PLD1: variants seen among roughly 807,000 people sequenced by gnomAD.
PLD1 encodes the protein phospholipase D1, also known as choline phosphatase 1.
PLD1 carries 112 observed loss-of-function variants against 137.1 expected under a neutral mutation model. The ratio of observed to expected loss-of-function variants is 0.82; its 90% CI spans 0.70 to 0.96. The LOEUF (loss-of-function observed/expected upper bound fraction) is 0.96. PLD1 is among the 40% of genes least tolerant of loss of function. The pLI, the probability that PLD1 is intolerant of heterozygous loss-of-function variation, is 0.00. For synonymous variants in PLD1, 431 were observed against 454.7 expected (o/e 0.95, Z 0.66); for missense variants, 1,321 against 1,342.0 (o/e 0.98, Z 0.24).
At chr3:171,694,071 A>G (rs557830323) in intron 12 of PLD1, among the ~76,000 whole-genome samples, 231 of 152,248 alleles carry the variant, frequency 1.5e-3, no homozygotes, top group African/African-American at 5.1e-3. Context: ...TTGGACCCTA[A>G]ATTCCTTATA....
At chr3:171,708,095 T>C (rs975051034) in intron 11 of PLD1, among the ~76,000 whole-genome samples, 5 of 152,182 alleles carry the variant, frequency 3.3e-5, no homozygotes, top group African/African-American at 4.8e-5. Flanking sequence ...AGTGTTGGCA[T>C]GTGTAATGGG....
intron 24 of PLD1, among the ~76,000 whole-genome samples, chr3:171,618,600 A>T (rs1733309870): frequency 6.6e-6 from 1 of 152,210 alleles, no homozygotes; most frequent in Admixed American, 6.5e-5. Context: ...AATAAATGAA[A>T]TCTTGAGTAT....
intron 2 of PLD1, 93 bp from the exon 3 acceptor site, chr3:171,737,752 G>A: frequency 2.4e-6 from 3 of 1,269,116 alleles, no homozygotes; most frequent in Non-Finnish European, 3.3e-6. Context: ...GTTAAAACAA[G>A]TAAGCCTCTT....
rs1719224308 is a variant in PLD1 at position 171,734,782 on chromosome 3, C to A, written c.540+83G>T. ...GTGGATGAGAGGAGTTGTAGCCAGGCCTACTTCACCCCTCAGTAGATGCTG... is the reference window on the plus strand; with the variant it reads ...GTGGATGAGAGGAGTTGTAGCCAGGACTACTTCACCCCTCAGTAGATGCTG... On this transcript the variant is annotated intron_variant, in intron 5 of 26. Coordinates refer to ENST00000351298, the MANE Select transcript of PLD1 (RefSeq NM_002662.5). 7.5e-6 allele frequency: 6 copies of A among 795,742 alleles called. No homozygotes were observed. The South Asian group carries it at 9.5e-5, about 13-fold the overall frequency. 49.3% of individuals were successfully genotyped at this position (795,742 alleles called of 1,614,324 possible). A position where few individuals can be genotyped will look rare whatever the true frequency, so the allele number is the denominator to read the frequency against.
Position 171,612,420 on chromosome 3 carries a change from A to G in PLD1, c.2741T>C (p.Ile914Thr), listed in dbSNP as rs188797314. ...CTTTCCCAGCATGCTGCGGTCATTT[A>G]TGTTGGCAGAGCCTGTAAGGAGAAA... is the stretch of plus-strand genomic sequence containing the variant. ...DNTVIIGSAN[I>T]NDRSMLGKRD... Residue 914 changes from isoleucine (I) to threonine (T), a missense_variant, in exon 25 of 27, where the codon ATA (isoleucine) becomes ACA (threonine). Ile to Thr is a moderately conservative substitution (Grantham distance 89). Coordinates refer to ENST00000351298, the MANE Select transcript of PLD1 (RefSeq NM_002662.5). The surrounding 1 kb of genome is among the most constrained non-coding windows in gnomAD (Gnocchi z 4.1). The G allele has an allele frequency of 6.2e-7, 1 of 1,614,016 alleles. No individual in the cohort carries two copies. Among genetic ancestry groups the G allele is most frequent in the Admixed American group, 1.7e-5 (1 of 60,028 alleles).
At position 171,660,085 on chromosome 3, in the gene PLD1, A is replaced by T. The variant is rs577157252; in HGVS notation, c.2341-784T>A. Among the ~76,000 whole-genome samples, 4 of 152,364 alleles carry T rather than the reference A, an allele frequency of 2.6e-5. No individual in the cohort carries two copies. In the East Asian group the frequency reaches 5.8e-4, roughly 22 times the overall value. ...ATGTGTTCAAATAGAATAGATTGTTATAACACATCTGTAATTTATAAGGAC... is the reference window on the plus strand; with the variant it reads ...ATGTGTTCAAATAGAATAGATTGTTTTAACACATCTGTAATTTATAAGGAC... On this transcript the variant is annotated intron_variant, in intron 20 of 26. Transcript: ENST00000351298.
At position 171,628,767 on chromosome 3, in the gene PLD1, A is replaced by C. The variant is rs544766413; in HGVS notation, c.2594-8247T>G. ...CAGAACCAAAGACAAAAACCACGTG[A>C]TTATCTCAATAGATGCAGAAAAGGC... On this transcript the variant is annotated intron_variant, in intron 23 of 26. Coordinates refer to ENST00000351298, the MANE Select transcript of PLD1 (RefSeq NM_002662.5). Among the ~76,000 whole-genome samples, 846 of 152,264 alleles carry C rather than the reference A, an allele frequency of 5.6e-3. 12 individuals are homozygous for C. The highest frequency in any genetic ancestry group is 0.02 in the African/African-American group (815 of 41,526).
At chr3:171,607,164 G>A (rs1005832965) in intron 25 of PLD1, among the ~76,000 whole-genome samples, 1 of 151,984 alleles carries the variant, frequency 6.6e-6, no homozygotes, top group Admixed American at 6.6e-5. Flanking sequence ...TTCAAATAAT[G>A]TGCCTCCTTC....
Position 171,610,240 on chromosome 3 carries a change from T to C in PLD1, c.2882+2039A>G, listed in dbSNP as rs1344339191. 3.3e-5 allele frequency among the ~76,000 whole-genome samples: 5 copies of C among 152,176 alleles called. No individual in the cohort carries two copies. The South Asian group carries it at 6.2e-4, about 19-fold the overall frequency. On this transcript the variant is annotated intron_variant, in intron 25 of 26. Transcript: ENST00000351298. ...CCAAACAATGAGGGATTAAAGGAAT[T>C]ATGGCATACACATACAATAAAATAT...
intron 1 of PLD1, among the ~76,000 whole-genome samples, chr3:171,747,028 G>A (rs775442302): frequency 3.9e-5 from 6 of 152,156 alleles, no homozygotes; most frequent in East Asian, 1.9e-4. Context: ...GAACCCACCC[G>A]GAGAAATGAA....
chr3:171,682,108 A>AAAAG (rs61458676), intron 16 of PLD1, among the ~76,000 whole-genome samples: 10,597 of 98,918 alleles, frequency 0.11, 756 homozygotes, highest in Middle Eastern at 0.15. Context: ...TACAGAAAGA[A>AAAAG]AAAGAAAGAA....
chr3:171,695,834 T>C (rs73879809), intron 12 of PLD1, among the ~76,000 whole-genome samples: 34,567 of 145,832 alleles, frequency 0.24, 4,221 homozygotes, highest in Admixed American at 0.33. Context: ...AGATGTAAAG[T>C]AAAGGATATA....
chr3:171,668,807 A>C (rs1712430526), intron 19 of PLD1, among the ~76,000 whole-genome samples: 1 of 152,182 alleles, frequency 6.6e-6, no homozygotes, highest in South Asian at 2.1e-4. Context: ...ATTTTCTTTC[A>C]GCTTAATAGA....
intron 1 of PLD1, among the ~76,000 whole-genome samples, chr3:171,799,509 A>C (rs945743748): frequency 1.3e-5 from 2 of 152,186 alleles, no homozygotes; most frequent in African/African-American, 4.8e-5. Context: ...CATACAAAAG[A>C]AAATCTATAA....
intron 23 of PLD1, among the ~76,000 whole-genome samples, chr3:171,633,782 T>C (rs1456088591): frequency 6.6e-6 from 1 of 152,156 alleles, no homozygotes; most frequent in Non-Finnish European, 1.5e-5. Flanking sequence ...TTCTGGCCCT[T>C]ATCTTAAATT....
intron 1 of PLD1, among the ~76,000 whole-genome samples, chr3:171,745,857 G>A (rs1720116339): frequency 6.6e-6 from 1 of 152,114 alleles, no homozygotes; most frequent in South Asian, 2.1e-4. Context: ...GGAGGCCAGA[G>A]CCAACTCCTT....
At chr3:171,661,810 G>T (rs1711530988) in intron 20 of PLD1, among the ~76,000 whole-genome samples, 1 of 152,182 alleles carries the variant, frequency 6.6e-6, no homozygotes, top group South Asian at 2.1e-4. Context: ...ATGAGTTGAT[G>T]ATGCATTTTA....
chr3:171,611,338 T>C lies in PLD1; in HGVS notation c.2882+941A>G, dbSNP rs75204642. 82 of 200,206 alleles carry C rather than the reference T, an allele frequency of 4.1e-4. 4 individuals are homozygous for C. The East Asian group carries it at 9.3e-3, about 23-fold the overall frequency. 12.4% of individuals were successfully genotyped at this position (200,206 alleles called of 1,614,324 possible). A position where few individuals can be genotyped will look rare whatever the true frequency, so the allele number is the denominator to read the frequency against. On this transcript the variant is annotated intron_variant, in intron 25 of 26. Coordinates refer to ENST00000351298, the MANE Select transcript of PLD1 (RefSeq NM_002662.5). ...GTGAAAGGAGACGAGATTATATTAC[T>C]TGTTCCTTGTGAGATAAGAAGCCAT...
intron 13 of PLD1, among the ~76,000 whole-genome samples, chr3:171,690,246 C>CT (rs138030367): frequency 1.1e-4 from 17 of 151,080 alleles, no homozygotes; most frequent in African/African-American, 3.2e-4. Context: ...TAACTTGAGT[C>CT]TTTTTTTTTC....
Sources: allele counts gnomAD v4.1 joint callset (sites outside exome capture counted in the v4.1 genomes callset), GRCh38; gene constraint gnomAD v4.1.1; non-coding constraint Gnocchi (gnomAD v3.1); transcripts MANE v1.5; gene names NCBI Gene and HGNC (gene_info 2026-07-23, HGNC 2026-07-21).